PACS2: variants seen among roughly 807,000 people sequenced by gnomAD.
PACS2 encodes PACS1-like protein.
PACS2 carries 36 observed loss-of-function variants against 113.0 expected under a neutral mutation model. The ratio of observed to expected loss-of-function variants is 0.32; its 90% confidence interval spans 0.24 to 0.42. The LOEUF is 0.42. Among genes scored for constraint, PACS2 ranks in the 10% least tolerant of loss-of-function variants. The probability of loss-of-function intolerance (pLI) is 1.00; values close to 1 mark genes in which losing one functional copy is unlikely to be tolerated. For missense variants in PACS2, 1,015 were observed against 1,239.5 expected, an observed-to-expected ratio of 0.82 and a Z score of 2.72; for synonymous variants, 589 against 536.1, an observed-to-expected ratio of 1.10 and a Z score of -1.36.
rs1396439758 is a variant in PACS2, at chr14:105,356,620, G to A, written c.423+1443G>A. On this transcript the variant is annotated intron_variant, in intron 4 of 24. Transcript: ENST00000447393. This position sits in a 1 kb window ranked among gnomAD's most constrained non-coding sequence, Gnocchi z 4.0. ...CTTCCTGTGGAGCAGGAGGGTCCAGGCACTGTGGGGAGGTCATGCAGGCTC... is the reference window on the plus strand; with the variant it reads ...CTTCCTGTGGAGCAGGAGGGTCCAGACACTGTGGGGAGGTCATGCAGGCTC... Among the ~76,000 whole-genome samples, 2 of 152,170 alleles carry A rather than the reference G, an allele frequency of 1.3e-5. No homozygotes were observed. Among genetic ancestry groups the A allele is most frequent in the Non-Finnish European group, 2.9e-5 (2 of 68,024 alleles).
chr14:105,391,721 C>G lies in PACS2; in HGVS notation c.2210C>G (p.Thr737Ser), dbSNP rs1555414950. The G allele has an allele frequency of 2.5e-6, 4 of 1,598,610 alleles. No individual in the cohort carries two copies. Among genetic ancestry groups the G allele is most frequent in the Non-Finnish European group, 3.4e-6 (4 of 1,172,928 alleles). Residue 737 changes from threonine to serine, a missense_variant, in exon 22 of 25, where the codon ACC becomes AGC. Transcript: ENST00000447393. Reference sequence around the variant, plus strand: ...CCTGCGGCCAAGGAGGCCTCACCCACCCCGCCCTCCTCCCCGTCGGTGAGC... The same window carrying G: ...CCTGCGGCCAAGGAGGCCTCACCCAGCCCGCCCTCCTCCCCGTCGGTGAGC... ...ASPAAKEASP[T>S]PPSSPSVSGG...
rs1214414368 is a variant in PACS2 at position 105,392,303 on chromosome 14, C to A, written c.2256-316C>A. Reference sequence around the variant, plus strand: ...CCTCTGTGTTTCCAGCCGCCGGCTCCTTCCAGGCTGCGCCTGAGGGAGCTG... The same window carrying A: ...CCTCTGTGTTTCCAGCCGCCGGCTCATTCCAGGCTGCGCCTGAGGGAGCTG... On this transcript the variant is annotated intron_variant, in intron 22 of 24. Coordinates refer to ENST00000447393, the MANE Select transcript of PACS2 (RefSeq NM_001100913.3). The A allele has an allele frequency of 6.9e-6, 3 of 431,724 alleles. No homozygotes were observed. In the South Asian group the frequency reaches 7.9e-5, roughly 11 times the overall value. 26.7% of individuals were successfully genotyped at this position (431,724 alleles called of 1,614,324 possible).
In PACS2 at chr14:105,392,858, A is replaced by T. The variant is rs1393809880; in HGVS notation, c.2482+13A>T. 1 of 1,568,274 alleles carries T rather than the reference A, an allele frequency of 6.4e-7. No homozygotes were observed. Among genetic ancestry groups the T allele is most frequent in the African/African-American group, 1.3e-5 (1 of 74,296 alleles). Reference sequence around the variant, plus strand: ...AAGAACAAGAAGGGTGAGGTGGGGCAGGCTATAAGGCCACACGGCGCAGAA... The same window carrying T: ...AAGAACAAGAAGGGTGAGGTGGGGCTGGCTATAAGGCCACACGGCGCAGAA... On this transcript the variant is annotated intron_variant, in intron 23 of 24. Coordinates refer to ENST00000447393, the MANE Select transcript of PACS2 (RefSeq NM_001100913.3).
rs1595164551 is a variant in PACS2, at chr14:105,384,903, C to T, written c.1916C>T (p.Ser639Leu). 6.3e-7 allele frequency: 1 copy of T among 1,595,612 alleles called. No individual in the cohort carries two copies. The highest frequency in any genetic ancestry group is 2.3e-5 in the East Asian group (1 of 44,122). ...GTACAGGACACGCCAGACATTGTGT[C>T]ACGCATCACGCAGTACATCGCAGGG... ...SAVQDTPDIV[S>L]RITQYIAGAN... Residue 639 changes from serine to leucine, a missense_variant, in exon 18 of 25, where the codon TCA (serine) becomes TTA (leucine). Physicochemically the swap from Ser to Leu is moderately radical, Grantham distance 145 (BLOSUM62 -2). Transcript: ENST00000447393.
At chr14:105,308,663 A>T (rs182743971) in intron 1 of PACS2, among the ~76,000 whole-genome samples, 1 of 151,868 alleles carries the variant, frequency 6.6e-6, no homozygotes, top group African/African-American at 2.4e-5. Context: ...TTGCAGTTTT[A>T]GTAGAGACAG....
At chr14:105,364,323 TGGGCGGCGGCCCGG>T (rs1566943107) in intron 4 of PACS2, among the ~76,000 whole-genome samples, 5,488 of 135,724 alleles carry the variant, frequency 0.04, 728 homozygotes, top group African/African-American at 0.17. Flanking sequence ...GGGTGCGCGG[TGGGCGGCGGCCCGG>T]GGGTGTGGTG....
chr14:105,391,519 C>CA, intron 21 of PACS2, 112 bp from the exon 22 acceptor site: 4 of 682,250 alleles, frequency 5.9e-6, no homozygotes, highest in Non-Finnish European at 4.9e-6. Context: ...GACTCCCACC[C>CA]TGCCCACCCC....
chr14:105,396,282 G>C lies in PACS2; in HGVS notation c.*1610G>C, dbSNP rs1288962350. 6.6e-6 allele frequency: 1 copy of C among 152,310 alleles called. No homozygotes were observed. Among genetic ancestry groups the C allele is most frequent in the Admixed American group, 6.5e-5 (1 of 15,288 alleles). The allele number at this position is 152,310 out of a possible 1,614,324, so 9.4% of individuals were successfully genotyped here. On this transcript the variant is annotated 3_prime_UTR_variant, in exon 25 of 25. Coordinates refer to ENST00000447393, the MANE Select transcript of PACS2 (RefSeq NM_001100913.3). Reference sequence around the variant, plus strand: ...GGACTCCTCCTTCACCTGGGACCAGGAGCCTGGGGCACACCCCAGGGTGGG... The same window carrying C: ...GGACTCCTCCTTCACCTGGGACCAGCAGCCTGGGGCACACCCCAGGGTGGG...
At position 105,330,220 on chromosome 14, in the gene PACS2, G is replaced by A. The variant is rs2059254190; in HGVS notation, c.119+15183G>A. 1.4e-5 allele frequency among the ~76,000 whole-genome samples: 2 copies of A among 140,962 alleles called. No homozygotes were observed. Among genetic ancestry groups the A allele is most frequent in the South Asian group, 2.6e-4 (1 of 3,780 alleles). The allele number at this position is 140,962 out of a possible 152,430, so 92.5% of individuals were successfully genotyped here. On this transcript the variant is annotated intron_variant, in intron 1 of 24. Coordinates refer to ENST00000447393, the MANE Select transcript of PACS2 (RefSeq NM_001100913.3). This position sits in a 1 kb window ranked among gnomAD's most constrained non-coding sequence, Gnocchi z 6.9. ...CCTCCGAGAAGCCTGGGGTCCGTGT[G>A]TGGGACGGAACGGGGACAGGGAGCC...
intron 1 of PACS2, chr14:105,301,304 G>C (rs1489288815): frequency 1.4e-5 from 2 of 145,330 alleles, no homozygotes; most frequent in Non-Finnish European, 3.0e-5. Context: ...GACTCAGCCG[G>C]ATGCGGGGCT....
chr14:105,386,106 C>T (rs944860799), intron 19 of PACS2, among the ~76,000 whole-genome samples: 1 of 152,348 alleles, frequency 6.6e-6, no homozygotes, highest in Admixed American at 6.5e-5. Context: ...CAGGTTTAGC[C>T]CCTCCTCGTT....
chr14:105,381,222 G>A, intron 12 of PACS2, 123 bp downstream of exon 12: 1 of 746,362 alleles, frequency 1.3e-6, no homozygotes, highest in Non-Finnish European at 2.1e-6. Flanking sequence ...GGTGTAGACA[G>A]CAGATTCAGG....
At chr14:105,390,629 T>C (rs1555414586) in intron 20 of PACS2, 1 of 168,754 alleles carries the variant, frequency 5.9e-6, no homozygotes, top group East Asian at 1.6e-4. Flanking sequence ...TCCCCACTGG[T>C]GGAACAGAGG....
rs1439417772 is a variant in PACS2 at position 105,355,823 on chromosome 14, C to G, written c.423+646C>G. ...GGGGCCTGGGAGAAGACACCCCAGGCTGAGGCCTCGGACTTTCTCATGGAC... is the reference window on the plus strand; with the variant it reads ...GGGGCCTGGGAGAAGACACCCCAGGGTGAGGCCTCGGACTTTCTCATGGAC... On this transcript the variant is annotated intron_variant, in intron 4 of 24. Coordinates refer to ENST00000447393, the MANE Select transcript of PACS2 (RefSeq NM_001100913.3). This position sits in a 1 kb window ranked among gnomAD's most constrained non-coding sequence, Gnocchi z 4.1. 1.3e-5 allele frequency among the ~76,000 whole-genome samples: 2 copies of G among 152,156 alleles called. No individual in the cohort carries two copies. Among genetic ancestry groups the G allele is most frequent in the Non-Finnish European group, 2.9e-5 (2 of 68,028 alleles).
intron 8 of PACS2, among the ~76,000 whole-genome samples, chr14:105,375,669 G>C (rs2061329489): frequency 1.3e-5 from 2 of 152,194 alleles, no homozygotes; most frequent in African/African-American, 4.8e-5. Context: ...GCAACAGGGT[G>C]AGGTGTAACA....
Position 105,366,448 on chromosome 14 carries a change from G to A in PACS2, c.424-765G>A, listed in dbSNP as rs2060944176. 6.6e-6 allele frequency among the ~76,000 whole-genome samples: 1 copy of A among 152,256 alleles called. No individual in the cohort carries two copies. Among genetic ancestry groups the A allele is most frequent in the Non-Finnish European group, 1.5e-5 (1 of 68,044 alleles). ...GCTTCTAGAGCACAGCTGGCCCCAA[G>A]GCTGTGAGTGTCTGAGAGTTGTCGT... On this transcript the variant is annotated intron_variant, in intron 4 of 24. Transcript: ENST00000447393. The surrounding 1 kb of genome is among the most constrained non-coding windows in gnomAD (Gnocchi z 4.3).
At chr14:105,372,038 T>A (rs894588419) in intron 8 of PACS2, 1 of 152,260 alleles carries the variant, frequency 6.6e-6, no homozygotes, top group African/African-American at 2.4e-5. Flanking sequence ...TCTAGCACCT[T>A]GGTGGTCAGG....
At chr14:105,381,766 C>T (rs2081003316) in intron 12 of PACS2, 148 bp from the exon 13 acceptor site, 1 of 711,138 alleles carries the variant, frequency 1.4e-6, no homozygotes, top group South Asian at 2.0e-5. Flanking sequence ...TCTGTGCAGC[C>T]CATGTTCCCA....
intron 1 of PACS2, among the ~76,000 whole-genome samples, chr14:105,326,661 C>T (rs901547839): frequency 1.3e-5 from 2 of 152,242 alleles, no homozygotes; most frequent in South Asian, 2.1e-4. Flanking sequence ...GCCTAGGGCT[C>T]TCCTTCCTCC....
Sources: allele counts gnomAD v4.1 joint callset (sites outside exome capture counted in the v4.1 genomes callset), GRCh38; gene constraint gnomAD v4.1.1; non-coding constraint Gnocchi (gnomAD v3.1); transcripts MANE v1.5; gene names NCBI Gene and HGNC (gene_info 2026-07-23, HGNC 2026-07-21).